The following LARGE1 variants were observed in gnomAD, a reference collection of about 807,000 sequenced individuals.
LARGE1 encodes xylosyl- and glucuronyltransferase LARGE1.
A neutral mutation model predicts 87.6 loss-of-function variants in LARGE1; 43 were observed. The ratio of observed to expected loss-of-function variants is 0.49; its 90% CI spans 0.38 to 0.63. The LOEUF is 0.63. Ranked by LOEUF, LARGE1 falls within the 30% of genes least tolerant of loss-of-function variation. The probability of loss-of-function intolerance (pLI) is 0.00; values close to 1 mark genes in which losing one functional copy is unlikely to be tolerated. For missense variants in LARGE1, 802 were observed against 1,000.2 expected (o/e 0.80, Z 2.67); for synonymous variants, 434 against 394.6 (o/e 1.10, Z -1.18).
At chr22:33,246,152 CA>C (rs1374727448) in intron 11 of LARGE1, among the ~76,000 whole-genome samples, 2 of 152,036 alleles carry the variant, frequency 1.3e-5, no homozygotes, top group East Asian at 3.9e-4. Context: ...GTCCTTCCAC[CA>C]AATAATGCTT....
chr22:33,636,871 T>A (rs2080283799), intron 3 of LARGE1, among the ~76,000 whole-genome samples: 1 of 152,148 alleles, frequency 6.6e-6, no homozygotes, highest in Non-Finnish European at 1.5e-5. Context: ...CTGAGATGAC[T>A]CGCGTAAAGG....
At chr22:33,490,826 G>A (rs148393678) in intron 6 of LARGE1, among the ~76,000 whole-genome samples, 30 of 152,194 alleles carry the variant, frequency 2.0e-4, no homozygotes, top group African/African-American at 7.0e-4. Context: ...CTCTTCGCCG[G>A]TGACCATGAG....
chr22:33,106,787 C>T, the LARGE1 span, among the ~76,000 whole-genome samples: 15 of 152,200 alleles, frequency 9.9e-5, no homozygotes, highest in African/African-American at 2.4e-4. Flanking sequence ...TGAGCCACTG[C>T]GCCCAGCCAC....
intron 5 of LARGE1, among the ~76,000 whole-genome samples, chr22:33,600,429 T>C (rs534212026): frequency 7.2e-5 from 11 of 152,260 alleles, no homozygotes; most frequent in African/African-American, 1.7e-4. Context: ...CACAAAAGCA[T>C]GAAAGAATAC....
chr22:33,428,695 G>T (rs1255544047), intron 7 of LARGE1, among the ~76,000 whole-genome samples: 1 of 147,136 alleles, frequency 6.8e-6, no homozygotes, highest in East Asian at 2.1e-4. Flanking sequence ...GGCTGAGGCG[G>T]GTGGATCATG....
intron 10 of LARGE1, among the ~76,000 whole-genome samples, chr22:33,326,000 C>T (rs1168153228): frequency 1.3e-5 from 2 of 152,206 alleles, no homozygotes; most frequent in African/African-American, 4.8e-5. Context: ...AAAGCAGTTA[C>T]ATCTTATTAA....
chr22:33,455,344 G>A (rs1340713243), intron 6 of LARGE1, among the ~76,000 whole-genome samples: 1 of 152,142 alleles, frequency 6.6e-6, no homozygotes, highest in African/African-American at 2.4e-5. Flanking sequence ...AACCTTTTAT[G>A]TCATTTCTTG....
At chr22:33,752,302 C>T (rs1037968782) in intron 2 of LARGE1, among the ~76,000 whole-genome samples, 2 of 152,058 alleles carry the variant, frequency 1.3e-5, no homozygotes, top group African/African-American at 4.8e-5. Flanking sequence ...ATATAAATGG[C>T]TATCTTTTAC....
In LARGE1 at chr22:33,833,253, C is replaced by T. The variant is rs145990165; in HGVS notation, c.-82-71695G>A. On this transcript the variant is annotated intron_variant, in intron 1 of 14. Coordinates refer to ENST00000397394, the MANE Select transcript of LARGE1 (RefSeq NM_133642.5). ...AAAGTCTAATCAAACCAGTGACCCT[C>T]GGTTACAGGCTTAACTGTGCCTCCC... Among the ~76,000 whole-genome samples the T allele has an allele frequency of 2.6e-3, 389 of 152,310 alleles. 5 individuals are homozygous for T. Among genetic ancestry groups the T allele is most frequent in the African/African-American group, 8.8e-3 (365 of 41,566 alleles).
chr22:33,464,871 C>G (rs947043907), intron 6 of LARGE1, among the ~76,000 whole-genome samples: 5 of 138,486 alleles, frequency 3.6e-5, no homozygotes, highest in African/African-American at 1.5e-4. Context: ...TACACACACA[C>G]TGCACACACA....
chr22:33,814,022 G>A (rs765843827), intron 1 of LARGE1, among the ~76,000 whole-genome samples: 2 of 152,126 alleles, frequency 1.3e-5, no homozygotes, highest in South Asian at 2.1e-4. Flanking sequence ...CATCACTGAA[G>A]TTAACTTACG....
rs369376050 is a variant in LARGE1 at position 33,898,703 on chromosome 22, G to A, written c.-83+21292C>T. ...CGGGAGGTGGAGGTTGTGGTGAGCC[G>A]AGATTGTGCCATTGCACTCCAGCCT... On this transcript the variant is annotated intron_variant, in intron 1 of 14. Coordinates refer to ENST00000397394, the MANE Select transcript of LARGE1 (RefSeq NM_133642.5). Among the ~76,000 whole-genome samples, 57 of 152,252 alleles carry A rather than the reference G, an allele frequency of 3.7e-4. 1 individual carries two copies. In the South Asian group the frequency reaches 5.2e-3, roughly 14 times the overall value.
At chr22:33,323,362 C>A (rs1936935748) in intron 10 of LARGE1, among the ~76,000 whole-genome samples, 1 of 152,182 alleles carries the variant, frequency 6.6e-6, no homozygotes. Context: ...AGGTGCATTG[C>A]TTCATCAATT....
intron 2 of LARGE1, among the ~76,000 whole-genome samples, chr22:33,653,432 G>A (rs1435444559): frequency 6.6e-6 from 1 of 152,182 alleles, no homozygotes; most frequent in African/African-American, 2.4e-5. Flanking sequence ...TTCCTTCTCA[G>A]GAAAGGATTT....
At chr22:33,873,900 T>G (rs988300874) in intron 1 of LARGE1, among the ~76,000 whole-genome samples, 1 of 151,758 alleles carries the variant, frequency 6.6e-6, no homozygotes, top group Non-Finnish European at 1.5e-5. Context: ...CCTCCCCCAC[T>G]GAGGCTGCAT....
rs530781040 is a variant in LARGE1 at position 33,801,347 on chromosome 22, G to C, written c.-82-39789C>G. On this transcript the variant is annotated intron_variant, in intron 1 of 14. Transcript: ENST00000397394. Reference sequence around the variant, plus strand: ...ATATTACATTCCCACCAAAGACACAGTTTCTCTGCAACCTCACCAGCATCT... The same window carrying C: ...ATATTACATTCCCACCAAAGACACACTTTCTCTGCAACCTCACCAGCATCT... 1.8e-4 allele frequency among the ~76,000 whole-genome samples: 27 copies of C among 152,308 alleles called. No individual in the cohort carries two copies. In the South Asian group the frequency reaches 5.6e-3, roughly 32 times the overall value.
intron 6 of LARGE1, among the ~76,000 whole-genome samples, chr22:33,541,919 T>C (rs2077222004): frequency 6.6e-6 from 1 of 151,902 alleles, no homozygotes; most frequent in African/African-American, 2.4e-5. Flanking sequence ...TCCCAGCACT[T>C]TGGAAGGCTG....
intron 2 of LARGE1, among the ~76,000 whole-genome samples, chr22:33,656,277 C>T (rs2080958033): frequency 6.6e-6 from 1 of 152,176 alleles, no homozygotes; most frequent in South Asian, 2.1e-4. Context: ...AACAAAGGCA[C>T]ATCTTACATG....
At chr22:33,295,485 G>A (rs575731396) in intron 12 of LARGE1, among the ~76,000 whole-genome samples, 1 of 152,316 alleles carries the variant, frequency 6.6e-6, no homozygotes, top group East Asian at 1.9e-4. Context: ...TTTTGACCAA[G>A]GCAATGGGAA....
Sources: gnomAD v4.1 joint callset for allele counts (sites outside exome capture counted in the v4.1 genomes callset) on GRCh38, gnomAD v4.1.1 for gene constraint, MANE v1.5 for transcripts, NCBI Gene and HGNC (gene_info 2026-07-23, HGNC 2026-07-21) for gene names.